C3: variants seen among roughly 807,000 people sequenced by gnomAD.
C3 encodes complement C3, also known as C3 and PZP-like alpha-2-macroglobulin domain-containing protein 1.
Under a neutral mutation model 207.9 loss-of-function variants are expected in C3, and 97 were observed. That is an observed-to-expected ratio of 0.47 (90% CI 0.40 to 0.55). The LOEUF (loss-of-function observed/expected upper bound fraction) is 0.55. C3 is among the 20% of genes least tolerant of loss of function. The pLI is 0.00. For synonymous variants in C3, 848 were observed against 857.6 expected, an observed-to-expected ratio of 0.99 and a Z score of 0.20; for missense variants, 1,684 against 2,171.7, an observed-to-expected ratio of 0.78 and a Z score of 4.46.
rs1814133277 is a variant in C3, at chr19:6,679,228, C to G, written c.4547-20G>C. 1 of 1,607,984 alleles carries G rather than the reference C, an allele frequency of 6.2e-7. No homozygotes were observed. Among genetic ancestry groups the G allele is most frequent in the Non-Finnish European group, 8.5e-7 (1 of 1,174,396 alleles). Reference sequence around the variant, plus strand: ...AATTCTCTGCAGGGTGGGGTGGAGACAGGGTCTAAGTCCCACTCCTTATCT... The same window carrying G: ...AATTCTCTGCAGGGTGGGGTGGAGAGAGGGTCTAAGTCCCACTCCTTATCT... On this transcript the variant is annotated intron_variant, in intron 37 of 40. Transcript: ENST00000245907.
At chr19:6,696,486 A>G (rs766916082) in intron 22 of C3, 21 bp from the exon 23 acceptor site, 51 of 1,601,644 alleles carry the variant, frequency 3.2e-5, no homozygotes, top group Non-Finnish European at 4.3e-5. Flanking sequence ...AGTGAGAGAT[A>G]CCGATGGCTC....
At chr19:6,682,111 C>T (rs2145393430) in intron 34 of C3, 31 bp downstream of exon 34, 1 of 1,608,456 alleles carries the variant, frequency 6.2e-7, no homozygotes, top group Non-Finnish European at 8.5e-7. Context: ...AGGCTCCTTT[C>T]CACTTATCCC....
chr19:6,707,618 G>T (rs1184249973), intron 15 of C3, 81 bp from the exon 16 acceptor site: 5 of 1,554,132 alleles, frequency 3.2e-6, no homozygotes, highest in East Asian at 4.5e-5. Context: ...ATCGTGTGAG[G>T]TGGGGGTGTT....
At chr19:6,706,987 C>T in intron 17 of C3, 89 bp downstream of exon 17, 1 of 879,818 alleles carries the variant, frequency 1.1e-6, no homozygotes, top group Non-Finnish European at 1.7e-6. Context: ...GCCCCACCCC[C>T]ACCAGACAGG....
In C3 at chr19:6,707,242, G is replaced by T; in HGVS notation, c.2079C>A (p.Cys693Ter). ...VGKYPKELRK[C>*]CEDGMRENPM... ...GGTTCTCCCGCATGCCGTCCTCGCA[G>T]CACTTGCGCAGCTCCTTGGGGTACT... The change falls in exon 17 of 41, where the codon TGC becomes TGA. Residue 693 changes from cysteine (C) to a stop codon, truncating the protein, a stop_gained. Transcript: ENST00000245907. LOFTEE classifies it high-confidence loss of function. The T allele has an allele frequency of 1.2e-6, 2 of 1,612,564 alleles. No individual in the cohort carries two copies. Among genetic ancestry groups the T allele is most frequent in the Middle Eastern group, 1.6e-4 (1 of 6,062 alleles).
chr19:6,690,423 A>G (rs1427747210), intron 27 of C3, among the ~76,000 whole-genome samples: 1 of 152,244 alleles, frequency 6.6e-6, no homozygotes, highest in East Asian at 1.9e-4. Flanking sequence ...GGATTATGAG[A>G]CTTAACATGT....
In C3 at chr19:6,696,407, G is replaced by C. The variant is rs139152390; in HGVS notation, c.2922C>G (p.Thr974=). The change falls in exon 23 of 41, where the codon ACC becomes ACG. Residue 974 remains threonine, a synonymous_variant. Coordinates refer to ENST00000245907, the MANE Select transcript of C3 (RefSeq NM_000064.4). ...GCAGGAGAATTCTGGTCTCAGACTC[G>C]GTGTCCGGGACTTGGTCACTGAGGT... ...PADLSDQVPD[T]ESETRILLQG... is the part of the protein sequence containing the mutation. 1 of 1,613,140 alleles carries C rather than the reference G, an allele frequency of 6.2e-7. No individual in the cohort carries two copies. Among genetic ancestry groups the C allele is most frequent in the Admixed American group, 1.7e-5 (1 of 59,890 alleles).
rs1386114335 is a variant in C3, at chr19:6,710,570, CAGGGAG to C, written c.1686+63_1686+68del. The C allele has an allele frequency of 8.8e-6, 10 of 1,131,500 alleles. No homozygotes were observed. The East Asian group carries it at 2.8e-4, about 31-fold the overall frequency. The allele number at this position is 1,131,500 out of a possible 1,614,324, so 70.1% of individuals were successfully genotyped here. Reference sequence around the variant, plus strand: ...AAGGGAGAGAGAGAGAGAGAGGAGACAGGGAGAGAGAGAGAGAGAGAGGAGTAGGGA... The same window carrying C: ...AAGGGAGAGAGAGAGAGAGAGGAGACAGAGAGAGAGAGAGAGGAGTAGGGA... On this transcript the variant is annotated intron_variant, in intron 13 of 40. Transcript: ENST00000245907.
At chr19:6,696,141 C>T (rs1967526506) in intron 23 of C3, among the ~76,000 whole-genome samples, 1 of 142,468 alleles carries the variant, frequency 7.0e-6, no homozygotes, top group South Asian at 2.3e-4. Flanking sequence ...ACCCGGGAGG[C>T]GGAGCTTGCA....
chr19:6,704,542 G>A (rs749193445), intron 17 of C3, among the ~76,000 whole-genome samples: 3 of 151,824 alleles, frequency 2.0e-5, no homozygotes, highest in Non-Finnish European at 4.4e-5. Context: ...GCAGATCCCC[G>A]AAGGTTGGGA....
At chr19:6,688,574 C>T (rs2145400778) in intron 27 of C3, among the ~76,000 whole-genome samples, 1 of 149,928 alleles carries the variant, frequency 6.7e-6, no homozygotes, top group Non-Finnish European at 1.5e-5. Flanking sequence ...GGCTGGAGTG[C>T]AGTGGCGCAA....
chr19:6,710,419 A>AAGAGAGAGGGAAAGAGAGATGT (rs368697406), intron 13 of C3, among the ~76,000 whole-genome samples: 1 of 143,362 alleles, frequency 7.0e-6, no homozygotes, highest in Non-Finnish European at 1.5e-5. Flanking sequence ...AAGAGAAATA[A>AAGAGAGAGGGAAAGAGAGATGT]AGAGAGAGGG....
At chr19:6,707,611 G>C (rs1967808590) in intron 15 of C3, 74 bp from the exon 16 acceptor site, 8 of 1,556,314 alleles carry the variant, frequency 5.1e-6, no homozygotes, top group Admixed American at 5.0e-5. Context: ...CCTCACGATC[G>C]TGTGAGGTGG....
chr19:6,681,941 C>T lies in C3; in HGVS notation c.4350G>A (p.Lys1450=). ...DRNTLIIYLD[K]VSHSEDDCLA... is the part of the protein sequence containing the mutation. Reference sequence around the variant, plus strand: ...CCAGGGGAGGATGATGCAGCCTTACCTTGTCCAGGTAGATGATGAGGGTGT... The same window carrying T: ...CCAGGGGAGGATGATGCAGCCTTACTTTGTCCAGGTAGATGATGAGGGTGT... Residue 1450 remains lysine (K), a splice_region_variant and synonymous_variant, in exon 35 of 41, where the codon AAG becomes AAA. Coordinates refer to ENST00000245907, the MANE Select transcript of C3 (RefSeq NM_000064.4). 1 of 1,612,710 alleles carries T rather than the reference C, an allele frequency of 6.2e-7. No homozygotes were observed. The highest frequency in any genetic ancestry group is 8.5e-7 in the Non-Finnish European group (1 of 1,178,800).
chr19:6,688,208 G>T (rs992462698), intron 27 of C3, among the ~76,000 whole-genome samples: 3 of 151,992 alleles, frequency 2.0e-5, no homozygotes, highest in African/African-American at 7.3e-5. Flanking sequence ...TCGGCTCACT[G>T]CAACCTCCGC....
intron 25 of C3, 151 bp downstream of exon 25, chr19:6,693,261 C>T (rs879865511): frequency 8.5e-5 from 90 of 1,063,144 alleles, no homozygotes; most frequent in Middle Eastern, 2.9e-4. Context: ...TAATGACCGC[C>T]GGCCACTCAG....
intron 25 of C3, 50 bp downstream of exon 25, chr19:6,693,362 G>C (rs778667001): frequency 6.5e-7 from 1 of 1,542,500 alleles, no homozygotes; most frequent in South Asian, 1.2e-5. Flanking sequence ...GCCCTGCTGG[G>C]GGTTGAGGGT....
At chr19:6,689,154 A>G (rs988349522) in intron 27 of C3, among the ~76,000 whole-genome samples, 5 of 152,150 alleles carry the variant, frequency 3.3e-5, no homozygotes, top group African/African-American at 9.7e-5. Context: ...CATGTGTGTT[A>G]TATCTGGGAC....
Position 6,678,221 on chromosome 19 carries a change from A to C in C3, c.4781T>G (p.Leu1594Arg). The C allele has an allele frequency of 6.2e-7, 1 of 1,614,192 alleles. No individual in the cohort carries two copies. The highest frequency in any genetic ancestry group is 8.5e-7 in the Non-Finnish European group (1 of 1,180,034). Residue 1594 changes from leucine to arginine, a missense_variant, in exon 40 of 41, where the codon CTG becomes CGG. Around this residue, in one of 3 missense-constraint regions of C3, gnomAD observed 346 missense variants for 380.1 expected, o/e 0.91. Coordinates refer to ENST00000245907, the MANE Select transcript of C3 (RefSeq NM_000064.4). ...GTAGTGTTTCTTCTCCTCCAGCTTCAGGGCTTCTCTGCACTTGATGGGGCT... is the reference window on the plus strand; with the variant it reads ...GTAGTGTTTCTTCTCCTCCAGCTTCCGGGCTTCTCTGCACTTGATGGGGCT... The part of the protein sequence containing the change: ...FISPIKCREA[L>R]KLEEKKHYLM...
Sources: allele counts gnomAD v4.1 joint callset (sites outside exome capture counted in the v4.1 genomes callset), GRCh38; gene constraint gnomAD v4.1.1; regional missense constraint gnomAD v4.1.1; transcripts MANE v1.5; gene names NCBI Gene and HGNC (gene_info 2026-07-23, HGNC 2026-07-21).